The following TPTE2 variants were observed in gnomAD, a reference collection of about 807,000 sequenced individuals.
The protein encoded by TPTE2 is phosphatidylinositol 3,4,5-trisphosphate 3-phosphatase TPTE2.
Under a neutral mutation model 78.6 loss-of-function variants are expected in TPTE2, and 53 were observed. That is an observed-to-expected ratio of 0.67 (90% CI 0.54 to 0.85). The LOEUF is 0.85. Among genes scored for constraint, TPTE2 ranks in the 40% least tolerant of loss-of-function variants. TPTE2 has a pLI of 0.00. For synonymous variants in TPTE2, 175 were observed against 206.2 expected (o/e 0.85, Z 1.30); for missense variants, 461 against 623.0 (o/e 0.74, Z 2.77).
intron 17 of TPTE2, among the ~76,000 whole-genome samples, chr13:19,429,489 G>C (rs554224096): frequency 1.3e-5 from 2 of 152,222 alleles, no homozygotes; most frequent in African/African-American, 4.8e-5. Context: ...ATTTGAGTTG[G>C]AGTGGAAACT....
intron 1 of TPTE2, among the ~76,000 whole-genome samples, chr13:19,528,990 G>A (rs1870696918): frequency 6.6e-6 from 1 of 152,144 alleles, no homozygotes; most frequent in Admixed American, 6.5e-5. Context: ...GTGGTGGCAT[G>A]TGCCTATAGT....
In TPTE2 at chr13:19,431,412, G is replaced by A. The variant is rs145787383; in HGVS notation, c.1223-865C>T. ...ATTCAAATGACCCACTTCCCTTAGC[G>A]TTTCCTCAAAGACTTGGTTTCTCAG... On this transcript the variant is annotated intron_variant, in intron 16 of 19. Transcript: ENST00000400230. Among the ~76,000 whole-genome samples the A allele has an allele frequency of 3.8e-3, 573 of 151,762 alleles. 5 individuals are homozygous for A. The highest frequency in any genetic ancestry group is 0.013 in the African/African-American group (554 of 41,392).
intron 1 of TPTE2, among the ~76,000 whole-genome samples, chr13:19,497,694 TG>T (rs1199197652): frequency 1.3e-5 from 2 of 149,002 alleles, no homozygotes; most frequent in Non-Finnish European, 3.0e-5. Context: ...ACCACAAAGA[TG>T]GGGAAAAAAC....
chr13:19,463,160 T>G (rs1246520306), intron 10 of TPTE2, among the ~76,000 whole-genome samples: 3 of 151,944 alleles, frequency 2.0e-5, no homozygotes, highest in Non-Finnish European at 4.4e-5. Context: ...ATTTTTGTAT[T>G]TTTTAGAGAC....
rs1427946006 is a variant in TPTE2 at position 19,424,935 on chromosome 13, T to C, written c.1466+12A>G. On this transcript the variant is annotated intron_variant, in intron 19 of 19. Coordinates refer to ENST00000400230, the Ensembl canonical transcript of TPTE2. ...ATTAGGCTGTTTCTATGGGTTTCTA[T>C]TATATTCATACCTGTTATTTTGAAT... The C allele has an allele frequency of 2.1e-6, 3 of 1,441,074 alleles. No homozygotes were observed. Among genetic ancestry groups the C allele is most frequent in the Non-Finnish European group, 2.9e-6 (3 of 1,048,408 alleles). 89.3% of individuals were successfully genotyped at this position (1,441,074 alleles called of 1,614,324 possible). A position where few individuals can be genotyped will look rare whatever the true frequency, so the allele number is the denominator to read the frequency against.
chr13:19,519,697 G>A (rs1268355590), intron 1 of TPTE2, among the ~76,000 whole-genome samples: 2 of 152,104 alleles, frequency 1.3e-5, no homozygotes, highest in Non-Finnish European at 2.9e-5. Context: ...AGTAAGTTTT[G>A]AAATAATAAA....
At chr13:19,447,073 A>G (rs1211988388) in intron 13 of TPTE2, among the ~76,000 whole-genome samples, 6 of 152,178 alleles carry the variant, frequency 3.9e-5, no homozygotes, top group African/African-American at 1.4e-4. Flanking sequence ...AAGAACTCCT[A>G]TAAATCGATA....
At chr13:19,559,693 T>C in the TPTE2 span, among the ~76,000 whole-genome samples, 1 of 149,280 alleles carries the variant, frequency 6.7e-6, no homozygotes, top group Non-Finnish European at 1.5e-5. Context: ...CCCCCTTCCC[T>C]CCCTGAGATA....
the TPTE2 span, among the ~76,000 whole-genome samples, chr13:19,557,656 A>T: frequency 1.3e-5 from 2 of 151,860 alleles, no homozygotes; most frequent in Non-Finnish European, 2.9e-5. Flanking sequence ...GTTTGGGGGG[A>T]TGTTACAGTC....
At chr13:19,446,485 A>G (rs1021550510) in intron 13 of TPTE2, among the ~76,000 whole-genome samples, 4 of 152,232 alleles carry the variant, frequency 2.6e-5, no homozygotes, top group Non-Finnish European at 5.9e-5. Context: ...CCCAACTTCC[A>G]ATTAGATTAA....
chr13:19,448,774 T>C (rs1208646255), intron 13 of TPTE2, among the ~76,000 whole-genome samples: 1 of 152,106 alleles, frequency 6.6e-6, no homozygotes, highest in Non-Finnish European at 1.5e-5. Flanking sequence ...AAAACAAAAA[T>C]AGAACTACCA....
At chr13:19,462,696 C>T (rs1407350973) in intron 10 of TPTE2, among the ~76,000 whole-genome samples, 22 of 151,966 alleles carry the variant, frequency 1.4e-4, no homozygotes, top group African/African-American at 5.1e-4. Context: ...GTTCACGCCA[C>T]CACACCTAGC....
rs184050530 is a variant in TPTE2, at chr13:19,510,539, C to A, written c.-43-7262G>T. Among the ~76,000 whole-genome samples, 318 of 152,280 alleles carry A rather than the reference C, an allele frequency of 2.1e-3. 1 individual carries two copies. The highest frequency in any genetic ancestry group is 7.3e-3 in the African/African-American group (302 of 41,512). Reference sequence around the variant, plus strand: ...AATTAATCTATTCATCTTCCAAACACCTTCCATTAGGCCCCACCTCCAACA... The same window carrying A: ...AATTAATCTATTCATCTTCCAAACAACTTCCATTAGGCCCCACCTCCAACA... On this transcript the variant is annotated intron_variant, in intron 1 of 17. Coordinates refer to the TPTE2 transcript ENST00000390680.
At chr13:19,514,106 T>C (rs1357856306) in intron 1 of TPTE2, among the ~76,000 whole-genome samples, 1 of 152,128 alleles carries the variant, frequency 6.6e-6, no homozygotes, top group Non-Finnish European at 1.5e-5. Context: ...ACCTTCTTTC[T>C]CCAAGCAGGA....
intron 1 of TPTE2, among the ~76,000 whole-genome samples, chr13:19,526,066 G>A (rs1870476436): frequency 6.6e-6 from 1 of 152,134 alleles, no homozygotes; most frequent in African/African-American, 2.4e-5. Context: ...AGAGGAAAGG[G>A]AATGCTTATA....
chr13:19,544,060 C>CAAAA, the TPTE2 span, among the ~76,000 whole-genome samples: 499 of 31,968 alleles, frequency 0.016, 109 homozygotes, highest in African/African-American at 0.043. Flanking sequence ...GAACCTGTCT[C>CAAAA]AAAAAAAAAA....
intron 18 of TPTE2, chr13:19,425,834 C>G: frequency 3.9e-6 from 2 of 517,376 alleles, no homozygotes; most frequent in Non-Finnish European, 7.7e-6. Flanking sequence ...CCTCTTCTCT[C>G]TGGAATTAAT....
chr13:19,528,171 C>G (rs1870630580), intron 1 of TPTE2, among the ~76,000 whole-genome samples: 1 of 151,922 alleles, frequency 6.6e-6, no homozygotes. Flanking sequence ...TACCTGAGGT[C>G]AGGAGTTCGA....
the TPTE2 span, chr13:19,561,349 C>T: frequency 1.8e-6 from 1 of 564,802 alleles, no homozygotes; most frequent in East Asian, 3.2e-5. Flanking sequence ...TCGCGACCGG[C>T]CTGCAGGTCC....
Sources: allele counts gnomAD v4.1 joint callset (sites outside exome capture counted in the v4.1 genomes callset), GRCh38; gene constraint gnomAD v4.1.1; transcripts MANE v1.5; gene names NCBI Gene and HGNC (gene_info 2026-07-23, HGNC 2026-07-21).